Variants in DAP3 observed in about 807,000 individuals in gnomAD.
The protein encoded by DAP3 is small ribosomal subunit protein mS29.
In DAP3, 28 loss-of-function variants were observed where a neutral mutation model predicts 51.9. The observed-to-expected ratio is 0.54, with a 90% confidence interval of 0.40 to 0.74. The LOEUF is 0.74. DAP3 is among the 30% of genes least tolerant of loss of function. DAP3 has a pLI of 0.00. For synonymous variants in DAP3, 170 were observed against 170.3 expected (o/e 1.00, Z 0.01); for missense variants, 458 against 483.5 (o/e 0.95, Z 0.49).
intron 2 of DAP3, among the ~76,000 whole-genome samples, chr1:155,711,951 AG>A (rs1184486254): frequency 6.6e-6 from 1 of 151,356 alleles, no homozygotes; most frequent in Admixed American, 6.6e-5. Flanking sequence ...AGACCCAGCA[AG>A]TCGGCTCATC....
chr1:155,738,296 C>T lies in DAP3; in HGVS notation c.*54C>T. The T allele has an allele frequency of 6.3e-7, 1 of 1,595,946 alleles. No homozygotes were observed. The highest frequency in any genetic ancestry group is 8.6e-7 in the Non-Finnish European group (1 of 1,165,890). ...GTGGACATCTGCTTTATGCTGGACC[C>T]AGTAAGATGAGGAAGTCGGGCAGTA... On this transcript the variant is annotated 3_prime_UTR_variant, in exon 13 of 13. Transcript: ENST00000368336.
At chr1:155,711,488 A>T (rs1234449100) in intron 2 of DAP3, among the ~76,000 whole-genome samples, 2 of 151,998 alleles carry the variant, frequency 1.3e-5, no homozygotes, top group Non-Finnish European at 2.9e-5. Flanking sequence ...GCGAGACTCC[A>T]TCTCAAAAGA....
intron 1 of DAP3, chr1:155,709,185 C>T (rs1656391298): frequency 6.6e-6 from 1 of 151,412 alleles, no homozygotes; most frequent in African/African-American, 2.4e-5. Flanking sequence ...CTCACTCTGT[C>T]ATCCATGCTG....
intron 10 of DAP3, 56 bp downstream of exon 10, chr1:155,731,471 C>G: frequency 6.5e-7 from 1 of 1,542,924 alleles, no homozygotes; most frequent in Non-Finnish European, 9.0e-7. Flanking sequence ...TCATTTTAAA[C>G]ATGTTCTACT....
intron 2 of DAP3, among the ~76,000 whole-genome samples, chr1:155,711,589 T>TG: frequency 6.6e-6 from 1 of 151,962 alleles, no homozygotes; most frequent in Non-Finnish European, 1.5e-5. Context: ...TTTTGTTTTT[T>TG]TTTTTTTACT....
upstream of DAP3, chr1:155,688,795 C>T: frequency 6.5e-7 from 1 of 1,547,948 alleles, no homozygotes; most frequent in East Asian, 2.4e-5. Context: ...CGTGCGCCTC[C>T]CACAGTCCCC....
At chr1:155,717,860 G>C (rs1657509049) in intron 3 of DAP3, among the ~76,000 whole-genome samples, 1 of 152,166 alleles carries the variant, frequency 6.6e-6, no homozygotes, top group Admixed American at 6.6e-5. Context: ...GCAGTATCTA[G>C]TGTTGCATTT....
At chr1:155,723,307 T>C (rs1658204879) in intron 4 of DAP3, among the ~76,000 whole-genome samples, 1 of 151,120 alleles carries the variant, frequency 6.6e-6, no homozygotes, top group Non-Finnish European at 1.5e-5. Flanking sequence ...GGATTACAGG[T>C]GTGAGCCACA....
chr1:155,699,132 A>T lies in DAP3; in HGVS notation c.-8+9958A>T, dbSNP rs187251881. On this transcript the variant is annotated intron_variant, in intron 1 of 12. Coordinates refer to ENST00000368336, the MANE Select transcript of DAP3 (RefSeq NM_004632.4). ...AAAGGCCCAGAGTTCTGGTCTCTAC[A>T]CTATTTATTGAGTATAATCACTTAG... is the stretch of plus-strand genomic sequence containing the variant. 2.0e-5 allele frequency among the ~76,000 whole-genome samples: 3 copies of T among 152,190 alleles called. 1 individual carries two copies. The highest frequency in any genetic ancestry group is 7.2e-5 in the African/African-American group (3 of 41,432).
At chr1:155,725,790 G>C (rs1349133758) in intron 5 of DAP3, 137 bp from the exon 6 acceptor site, 1 of 731,646 alleles carries the variant, frequency 1.4e-6, no homozygotes, top group Non-Finnish European at 2.2e-6. Flanking sequence ...CTTGAACCCG[G>C]GAAGCGGAGG....
chr1:155,718,889 CTG>C (rs924257989), intron 3 of DAP3, among the ~76,000 whole-genome samples: 1 of 152,196 alleles, frequency 6.6e-6, no homozygotes, highest in Non-Finnish European at 1.5e-5. Flanking sequence ...GCCAATTCCT[CTG>C]GGGTTTCTAT....
chr1:155,712,608 G>A (rs1265385172), intron 2 of DAP3, among the ~76,000 whole-genome samples: 21 of 82,084 alleles, frequency 2.6e-4, no homozygotes, highest in South Asian at 1.2e-3. Context: ...GTGAAACTCC[G>A]TCTCAAAAAA....
chr1:155,708,790 C>T (rs111314178), intron 1 of DAP3, among the ~76,000 whole-genome samples: 3,397 of 151,034 alleles, frequency 0.022, 44 homozygotes, highest in Non-Finnish European at 0.034. Flanking sequence ...CTGTAAGCTC[C>T]GCCTCCCAGT....
intron 1 of DAP3, among the ~76,000 whole-genome samples, chr1:155,700,992 G>T (rs1489071507): frequency 3.2e-4 from 37 of 116,870 alleles, no homozygotes; most frequent in African/African-American, 1.2e-3. Context: ...CGCCCCGTCC[G>T]GGAGGGAGGT....
intron 1 of DAP3, 55 bp from the exon 2 acceptor site, chr1:155,709,718 A>G: frequency 6.6e-7 from 1 of 1,511,014 alleles, no homozygotes; most frequent in Non-Finnish European, 9.1e-7. Flanking sequence ...TCCATGTTGC[A>G]CACATCTTTT....
chr1:155,737,083 C>G lies in DAP3; in HGVS notation c.1111+20C>G, dbSNP rs1479948230. The G allele has an allele frequency of 6.4e-7, 1 of 1,550,658 alleles. No individual in the cohort carries two copies. Among genetic ancestry groups the G allele is most frequent in the South Asian group, 1.1e-5 (1 of 89,820 alleles). On this transcript the variant is annotated intron_variant, in intron 12 of 12. Transcript: ENST00000368336. ...AGAAAGGTCCATCATTTAGTTTTTT[C>G]CTATCAGGGCTTTGTGATCACAGTA...
intron 9 of DAP3, among the ~76,000 whole-genome samples, chr1:155,730,186 T>TATAATATTCATATATGTATATATGTATAC (rs1659076644): frequency 6.8e-6 from 1 of 147,956 alleles, no homozygotes; most frequent in African/African-American, 2.5e-5. Context: ...TATATGTATA[T>TATAATATTCATATATGTATATATGTATAC]ATAATATTCA....
chr1:155,704,402 C>T (rs1275144944), intron 1 of DAP3, among the ~76,000 whole-genome samples: 1 of 152,190 alleles, frequency 6.6e-6, no homozygotes, highest in Non-Finnish European at 1.5e-5. Flanking sequence ...CACACTCCTT[C>T]CTCTCCAGTA....
intron 2 of DAP3, among the ~76,000 whole-genome samples, chr1:155,713,983 G>A (rs547070728): frequency 2.6e-5 from 4 of 152,318 alleles, no homozygotes; most frequent in South Asian, 2.1e-4. Flanking sequence ...GACTGGAGGT[G>A]TCTGGCAAAT....
Sources: allele counts gnomAD v4.1 joint callset (sites outside exome capture counted in the v4.1 genomes callset), GRCh38; gene constraint gnomAD v4.1.1; transcripts MANE v1.5; gene names NCBI Gene and HGNC (gene_info 2026-07-23, HGNC 2026-07-21).